AGBL4: variants seen among roughly 807,000 people sequenced by gnomAD.
The protein encoded by AGBL4 is AGBL carboxypeptidase 4, also known as cytosolic carboxypeptidase 6.
Under a neutral mutation model 66.4 loss-of-function variants are expected in AGBL4, and 58 were observed. The ratio of observed to expected loss-of-function variants is 0.87; its 90% CI spans 0.71 to 1.09. The LOEUF (loss-of-function observed/expected upper bound fraction) is 1.09. Ranked by LOEUF, AGBL4 falls within the 50% of genes least tolerant of loss-of-function variation. The pLI, the probability that AGBL4 is intolerant of heterozygous loss-of-function variation, is 0.00. For missense variants in AGBL4, 579 were observed against 631.0 expected (o/e 0.92, Z 0.88); for synonymous variants, 234 against 222.9 (o/e 1.05, Z -0.44).
In AGBL4 at chr1:48,977,292, T is replaced by C. The variant is rs544538049; in HGVS notation, c.594+68292A>G. Among the ~76,000 whole-genome samples, 5 of 152,170 alleles carry C rather than the reference T, an allele frequency of 3.3e-5. No homozygotes were observed. In the East Asian group the frequency reaches 5.8e-4, roughly 18 times the overall value. The stretch of plus-strand genomic sequence containing the variant: ...TAAAATAAAAATTGGTGTCTAAAAA[T>C]ATATTTATTTGTTTTAATATATGCC... On this transcript the variant is annotated intron_variant, in intron 5 of 13. Transcript: ENST00000371839.
At chr1:49,736,647 TA>T (rs1281643100) in intron 2 of AGBL4, among the ~76,000 whole-genome samples, 1 of 152,140 alleles carries the variant, frequency 6.6e-6, no homozygotes, top group Non-Finnish European at 1.5e-5. Context: ...GAACTGCAAC[TA>T]AAACTAAAAG....
intron 6 of AGBL4, among the ~76,000 whole-genome samples, chr1:48,687,074 C>T: frequency 6.6e-6 from 1 of 151,218 alleles, no homozygotes; most frequent in East Asian, 2.0e-4. Context: ...GGTGGGGCAG[C>T]GGGGCAGTCA....
At chr1:48,851,676 A>T (rs1481188530) in intron 6 of AGBL4, among the ~76,000 whole-genome samples, 1 of 152,200 alleles carries the variant, frequency 6.6e-6, no homozygotes, top group Non-Finnish European at 1.5e-5. Context: ...TATAATCTTT[A>T]CCAGAAAGGA....
At chr1:49,021,309 A>G (rs2224976) in intron 5 of AGBL4, among the ~76,000 whole-genome samples, 100,694 of 151,440 alleles carry the variant, frequency 0.66, 33,946 homozygotes, top group African/African-American at 0.72. Context: ...GATCACATGA[A>G]TTAAGATAAA....
At chr1:49,028,808 C>T (rs1294457341) in intron 5 of AGBL4, among the ~76,000 whole-genome samples, 2 of 152,028 alleles carry the variant, frequency 1.3e-5, no homozygotes, top group Non-Finnish European at 2.9e-5. Flanking sequence ...CACAAAAATC[C>T]TCAACAAAAT....
At chr1:49,413,261 T>C (rs1400168519) in intron 3 of AGBL4, among the ~76,000 whole-genome samples, 1 of 152,178 alleles carries the variant, frequency 6.6e-6, no homozygotes, top group Non-Finnish European at 1.5e-5. Context: ...TCAACATTTA[T>C]TTAACAAATA....
At chr1:49,654,942 T>C (rs1042593109) in intron 3 of AGBL4, among the ~76,000 whole-genome samples, 3 of 152,230 alleles carry the variant, frequency 2.0e-5, no homozygotes, top group Non-Finnish European at 2.9e-5. Context: ...CATATTGTTA[T>C]GTGTGAATTT....
At chr1:49,615,847 C>A (rs1645240192) in intron 3 of AGBL4, among the ~76,000 whole-genome samples, 1 of 152,086 alleles carries the variant, frequency 6.6e-6, no homozygotes, top group Non-Finnish European at 1.5e-5. Context: ...GGAAATATGG[C>A]ACTTTTAATG....
At chr1:48,992,876 G>A (rs1427108886) in intron 5 of AGBL4, among the ~76,000 whole-genome samples, 1 of 152,128 alleles carries the variant, frequency 6.6e-6, no homozygotes, top group East Asian at 1.9e-4. Context: ...ACCCTTCAGG[G>A]AAGTGAGCTC....
At position 49,175,809 on chromosome 1, in the gene AGBL4, T is replaced by C. The variant is rs1314841933; in HGVS notation, c.377+69961A>G. On this transcript the variant is annotated intron_variant, in intron 4 of 13. Transcript: ENST00000371839. ...TCAAGGTCAAAGAGAAAGACAGACCTTTACTTTTGGATCTGTCACAATAAC... is the reference window on the plus strand; with the variant it reads ...TCAAGGTCAAAGAGAAAGACAGACCCTTACTTTTGGATCTGTCACAATAAC... Among the ~76,000 whole-genome samples, 4 of 152,126 alleles carry C rather than the reference T, an allele frequency of 2.6e-5. No individual in the cohort carries two copies. The East Asian group carries it at 7.7e-4, about 29-fold the overall frequency.
At chr1:49,292,705 C>A (rs1033612218) in intron 3 of AGBL4, among the ~76,000 whole-genome samples, 3 of 152,130 alleles carry the variant, frequency 2.0e-5, no homozygotes, top group African/African-American at 7.2e-5. Flanking sequence ...TTACCTGCTG[C>A]AGAGAGGAGC....
At chr1:48,893,863 A>G (rs926172853) in intron 5 of AGBL4, among the ~76,000 whole-genome samples, 1 of 152,092 alleles carries the variant, frequency 6.6e-6, no homozygotes, top group African/African-American at 2.4e-5. Context: ...CTCTAGTACT[A>G]TAAGAAAAAA....
At chr1:48,968,675 G>A (rs921041858) in intron 5 of AGBL4, among the ~76,000 whole-genome samples, 1 of 152,170 alleles carries the variant, frequency 6.6e-6, no homozygotes, top group Non-Finnish European at 1.5e-5. Flanking sequence ...AGGCCACACA[G>A]TGGGTCCATG....
intron 1 of AGBL4, among the ~76,000 whole-genome samples, chr1:49,923,570 T>C (rs1033554892): frequency 6.6e-6 from 1 of 152,060 alleles, no homozygotes; most frequent in African/African-American, 2.4e-5. Flanking sequence ...TGCATTTGAC[T>C]AAGGTCTAAT....
intron 4 of AGBL4, among the ~76,000 whole-genome samples, chr1:49,088,295 G>A (rs1321923238): frequency 1.3e-5 from 2 of 152,144 alleles, no homozygotes; most frequent in Non-Finnish European, 2.9e-5. Context: ...GTTGCGAGTT[G>A]CATAACGAAT....
intron 3 of AGBL4, among the ~76,000 whole-genome samples, chr1:49,595,798 A>G (rs983536579): frequency 2.0e-5 from 3 of 152,206 alleles, no homozygotes; most frequent in Non-Finnish European, 2.9e-5. Context: ...CAGCAACAAG[A>G]TATTTATTCA....
chr1:49,183,993 G>A (rs751297152), intron 4 of AGBL4, among the ~76,000 whole-genome samples: 9 of 152,118 alleles, frequency 5.9e-5, no homozygotes, highest in Non-Finnish European at 1.2e-4. Context: ...ATATGAAACT[G>A]AGGCCCAGAA....
intron 3 of AGBL4, among the ~76,000 whole-genome samples, chr1:49,677,098 C>A (rs1191917220): frequency 1.3e-5 from 2 of 151,988 alleles, no homozygotes; most frequent in Non-Finnish European, 2.9e-5. Flanking sequence ...TTACCTGGCA[C>A]CTCCCAAAAG....
At chr1:49,341,327 T>TTTGGTTG (rs1477302871) in intron 3 of AGBL4, among the ~76,000 whole-genome samples, 1 of 152,188 alleles carries the variant, frequency 6.6e-6, no homozygotes, top group Non-Finnish European at 1.5e-5. Context: ...ACCAGTTGGC[T>TTTGGTTG]GACTTTGGTT....
Sources: gnomAD v4.1 joint callset for allele counts (sites outside exome capture counted in the v4.1 genomes callset) on GRCh38, gnomAD v4.1.1 for gene constraint, MANE v1.5 for transcripts, NCBI Gene and HGNC (gene_info 2026-07-23, HGNC 2026-07-21) for gene names.